The following NTM variants were observed in gnomAD, a reference collection of about 807,000 sequenced individuals.
NTM encodes the protein neurotrimin, also known as IgLON family member 2.
Under a neutral mutation model 42.1 loss-of-function variants are expected in NTM, and 13 were observed. That is an observed-to-expected ratio of 0.31 (90% CI 0.20 to 0.49). The LOEUF is 0.49. Among genes scored for constraint, NTM ranks in the 20% least tolerant of loss-of-function variants. The pLI, the probability that NTM is intolerant of heterozygous loss-of-function variation, is 0.99. For synonymous variants in NTM, 187 were observed against 179.2 expected (o/e 1.04, Z -0.35); for missense variants, 373 against 452.8 (o/e 0.82, Z 1.60).
chr11:132,330,006 G>A, intron 7 of NTM, 147 bp from the exon 8 acceptor site: 1 of 1,298,346 alleles, frequency 7.7e-7, no homozygotes, highest in Non-Finnish European at 1.0e-6. Context: ...GCTGGGCAGT[G>A]GTCAGGACAG....
intron 1 of NTM, among the ~76,000 whole-genome samples, chr11:131,527,652 A>G (rs2050692639): frequency 6.6e-6 from 1 of 152,176 alleles, no homozygotes; most frequent in Admixed American, 6.5e-5. Flanking sequence ...CTTTCCTGCT[A>G]TTTCTAACAT....
At chr11:132,280,778 C>A (rs1228998151) in intron 4 of NTM, among the ~76,000 whole-genome samples, 1 of 151,994 alleles carries the variant, frequency 6.6e-6, no homozygotes, top group Non-Finnish European at 1.5e-5. Flanking sequence ...GAGTCACCAC[C>A]CCTGGCCTCT....
At chr11:131,746,651 A>G (rs1277188162) in intron 1 of NTM, among the ~76,000 whole-genome samples, 5 of 152,204 alleles carry the variant, frequency 3.3e-5, no homozygotes, top group Non-Finnish European at 7.3e-5. Context: ...ATGCAGAGAC[A>G]TTAATAAGCC....
intron 1 of NTM, among the ~76,000 whole-genome samples, chr11:131,454,480 C>A (rs771034283): frequency 6.6e-6 from 1 of 152,178 alleles, no homozygotes; most frequent in Non-Finnish European, 1.5e-5. Context: ...CCCCAACACA[C>A]CTTTACCCAC....
intron 2 of NTM, among the ~76,000 whole-genome samples, chr11:131,973,416 C>A (rs1193887997): frequency 6.6e-6 from 1 of 152,200 alleles, no homozygotes; most frequent in Non-Finnish European, 1.5e-5. Context: ...ACTGGTGAAC[C>A]TTTATTAGTG....
At chr11:132,328,350 A>C (rs1337424318) in intron 7 of NTM, among the ~76,000 whole-genome samples, 1 of 152,190 alleles carries the variant, frequency 6.6e-6, no homozygotes, top group Non-Finnish European at 1.5e-5. Flanking sequence ...AGCTAAAGTC[A>C]AGGATGAGCA....
intron 4 of NTM, among the ~76,000 whole-genome samples, chr11:132,267,990 G>C (rs2093293395): frequency 1.3e-5 from 2 of 151,962 alleles, no homozygotes. Flanking sequence ...ACAACCACAA[G>C]AACACTGCCT....
chr11:131,722,330 A>G (rs578076431), intron 1 of NTM, among the ~76,000 whole-genome samples: 2 of 152,314 alleles, frequency 1.3e-5, no homozygotes, highest in South Asian at 4.1e-4. Flanking sequence ...ATAATCAGTA[A>G]GAGTGAACTA....
chr11:132,153,259 T>C (rs545292483), intron 3 of NTM, among the ~76,000 whole-genome samples: 2 of 152,310 alleles, frequency 1.3e-5, no homozygotes, highest in East Asian at 3.9e-4. Flanking sequence ...AAGTGAGAAA[T>C]GTCATTTATT....
At chr11:132,186,291 G>C (rs74965048) in intron 3 of NTM, among the ~76,000 whole-genome samples, 2 of 152,078 alleles carry the variant, frequency 1.3e-5, no homozygotes, top group Non-Finnish European at 2.9e-5. Flanking sequence ...ACAATGACAG[G>C]ACAACAAAAT....
At chr11:132,324,985 G>A (rs1592047644) in intron 7 of NTM, among the ~76,000 whole-genome samples, 1 of 151,652 alleles carries the variant, frequency 6.6e-6, no homozygotes, top group African/African-American at 2.4e-5. Flanking sequence ...AGCTGAAACT[G>A]GATCCCTTCC....
intron 2 of NTM, among the ~76,000 whole-genome samples, chr11:132,101,028 G>T (rs1174367172): frequency 1.3e-5 from 2 of 152,164 alleles, no homozygotes; most frequent in African/African-American, 4.8e-5. Context: ...AATGGTCAGG[G>T]AAATGAAAGC....
At chr11:132,167,064 A>T (rs1232659182) in intron 3 of NTM, among the ~76,000 whole-genome samples, 1 of 152,174 alleles carries the variant, frequency 6.6e-6, no homozygotes, top group African/African-American at 2.4e-5. Flanking sequence ...AAAAAGATAC[A>T]CTTTATTCTA....
intron 1 of NTM, among the ~76,000 whole-genome samples, chr11:131,880,930 A>G (rs2049371242): frequency 6.6e-6 from 1 of 152,190 alleles, no homozygotes; most frequent in Non-Finnish European, 1.5e-5. Flanking sequence ...CAGGTAGGGA[A>G]CAGTCAGATG....
chr11:131,564,249 A>C (rs189195612), intron 1 of NTM, among the ~76,000 whole-genome samples: 1 of 148,990 alleles, frequency 6.7e-6, no homozygotes, highest in Non-Finnish European at 1.5e-5. Flanking sequence ...TCCCTATGCC[A>C]CCCTATTTAT....
rs557089178 is a variant in NTM at position 131,718,116 on chromosome 11, G to GT, written c.83-193442dup. On this transcript the variant is annotated intron_variant, in intron 1 of 8. Coordinates refer to ENST00000683400, the MANE Select transcript of NTM (RefSeq NM_001352005.2). ...TTTGAATTCAATTTACTAACAGTAT[G>GT]TTTTTTAGAATTTTTGCATATCTAT... is the stretch of plus-strand genomic sequence containing the variant. Among the ~76,000 whole-genome samples the GT allele has an allele frequency of 8.4e-3, 1,273 of 152,218 alleles. 12 individuals carry two copies. Among genetic ancestry groups the GT allele is most frequent in the Non-Finnish European group, 0.015 (1,046 of 68,008 alleles).
intron 2 of NTM, among the ~76,000 whole-genome samples, chr11:131,960,473 G>A (rs1371356777): frequency 6.6e-6 from 1 of 152,180 alleles, no homozygotes; most frequent in African/African-American, 2.4e-5. Context: ...GAAGGGAATC[G>A]GGGAGACAAT....
At chr11:131,944,186 T>C (rs924575272) in intron 2 of NTM, among the ~76,000 whole-genome samples, 1 of 152,196 alleles carries the variant, frequency 6.6e-6, no homozygotes, top group African/African-American at 2.4e-5. Context: ...TTGGAAAATG[T>C]GAAGTGCTTT....
intron 2 of NTM, among the ~76,000 whole-genome samples, chr11:131,978,939 G>A (rs1268084191): frequency 6.6e-6 from 1 of 152,080 alleles, no homozygotes; most frequent in Non-Finnish European, 1.5e-5. Context: ...CCCCTAGGAT[G>A]CAGTTTAGAA....
Sources: allele counts gnomAD v4.1 joint callset (sites outside exome capture counted in the v4.1 genomes callset), GRCh38; gene constraint gnomAD v4.1.1; transcripts MANE v1.5; gene names NCBI Gene and HGNC (gene_info 2026-07-23, HGNC 2026-07-21).